The following ZCWPW2 variants were observed in gnomAD, a reference collection of about 807,000 sequenced individuals.
ZCWPW2 encodes the protein zinc finger CW-type and PWWP domain containing 2.
A neutral mutation model predicts 46.6 loss-of-function variants in ZCWPW2; 45 were observed. The observed-to-expected ratio is 0.96, with a 90% CI of 0.76 to 1.24. The LOEUF (loss-of-function observed/expected upper bound fraction) is 1.24, where lower values mean the gene tolerates loss of function less well. Ranked by LOEUF, ZCWPW2 falls within the 50% of genes most tolerant of loss-of-function variation. The pLI is 0.00. For missense variants in ZCWPW2, 429 were observed against 403.9 expected, an observed-to-expected ratio of 1.06 and a Z score of -0.53; for synonymous variants, 152 against 137.1, an observed-to-expected ratio of 1.11 and a Z score of -0.76.
intron 4 of ZCWPW2, among the ~76,000 whole-genome samples, chr3:28,467,454 A>T (rs867363048): frequency 6.6e-6 from 1 of 152,144 alleles, no homozygotes; most frequent in African/African-American, 2.4e-5. Flanking sequence ...TTAAAAAACA[A>T]TCACAACCTA....
chr3:28,426,359 A>T (rs1210306654), intron 3 of ZCWPW2, among the ~76,000 whole-genome samples: 9 of 151,896 alleles, frequency 5.9e-5, no homozygotes, highest in African/African-American at 1.9e-4. Context: ...TGTCAAGCAG[A>T]AACTAGGCTC....
chr3:28,388,676 C>T (rs540333723), intron 1 of ZCWPW2, among the ~76,000 whole-genome samples: 218 of 152,274 alleles, frequency 1.4e-3, no homozygotes, highest in Non-Finnish European at 2.6e-3. Context: ...GGAAGAACTA[C>T]TCATGACAAT....
intron 4 of ZCWPW2, among the ~76,000 whole-genome samples, chr3:28,472,075 G>A (rs762169136): frequency 5.3e-5 from 8 of 151,540 alleles, no homozygotes; most frequent in Non-Finnish European, 1.0e-4. Context: ...AGAAATTGGA[G>A]GACAGAAAAA....
chr3:28,502,032 C>A (rs918444227), intron 6 of ZCWPW2, among the ~76,000 whole-genome samples: 1 of 152,114 alleles, frequency 6.6e-6, no homozygotes, highest in Admixed American at 6.6e-5. Flanking sequence ...CCAGAAAGTT[C>A]TTTTCATACT....
At chr3:28,355,963 CA>C (rs139666697) in intron 1 of ZCWPW2, among the ~76,000 whole-genome samples, 27,943 of 151,680 alleles carry the variant, frequency 0.18, 153 homozygotes, top group Admixed American at 0.24. Context: ...TCTAAAACAC[CA>C]AAAGCAATGG....
At chr3:28,502,227 T>C (rs929831157) in intron 6 of ZCWPW2, among the ~76,000 whole-genome samples, 2 of 152,102 alleles carry the variant, frequency 1.3e-5, no homozygotes, top group African/African-American at 2.4e-5. Flanking sequence ...AGGAGTTCTA[T>C]AGGATAACAA....
chr3:28,511,048 C>T, intron 6 of ZCWPW2: 1 of 455,578 alleles, frequency 2.2e-6, no homozygotes, highest in South Asian at 1.6e-5. Context: ...AAGAATCTAC[C>T]CCAGATGTCA....
rs555810825 is a variant in ZCWPW2 at position 28,513,956 on chromosome 3, C to T, written c.658-108C>T. 64 of 705,770 alleles carry T rather than the reference C, an allele frequency of 9.1e-5. No homozygotes were observed. In the South Asian group the frequency reaches 1.3e-3, roughly 14 times the overall value. 43.7% of individuals were successfully genotyped at this position (705,770 alleles called of 1,614,324 possible). A position where few individuals can be genotyped will look rare whatever the true frequency, so the allele number is the denominator to read the frequency against. On this transcript the variant is annotated intron_variant, in intron 6 of 9. Transcript: ENST00000383768. ...AAAGATGTTGTTTAGGGTTATCAGC[C>T]GGGGTGTTTCTTCTGACCAAATTAC...
At chr3:28,519,979 T>C (rs534999333) in intron 8 of ZCWPW2, among the ~76,000 whole-genome samples, 1 of 151,922 alleles carries the variant, frequency 6.6e-6, no homozygotes, top group South Asian at 2.1e-4. Context: ...GCAAGGTCAA[T>C]GAATTACCAG....
chr3:28,414,264 T>C (rs997110249), intron 3 of ZCWPW2, among the ~76,000 whole-genome samples: 4 of 151,866 alleles, frequency 2.6e-5, no homozygotes, highest in Admixed American at 6.6e-5. Flanking sequence ...CTTGTGTTTC[T>C]TCTAGTTTAG....
intron 4 of ZCWPW2, among the ~76,000 whole-genome samples, chr3:28,474,753 AT>A: frequency 6.6e-6 from 1 of 152,208 alleles, no homozygotes; most frequent in African/African-American, 2.4e-5. Context: ...CGATGTCATA[AT>A]TATCTTCCTC....
intron 4 of ZCWPW2, among the ~76,000 whole-genome samples, chr3:28,455,293 G>A (rs1698383359): frequency 1.3e-5 from 2 of 152,132 alleles, no homozygotes; most frequent in African/African-American, 4.8e-5. Flanking sequence ...CTTTTGAAAA[G>A]TGTCTGTTCA....
At chr3:28,380,351 C>G (rs185165206) in intron 1 of ZCWPW2, among the ~76,000 whole-genome samples, 253 of 152,264 alleles carry the variant, frequency 1.7e-3, no homozygotes, top group African/African-American at 5.7e-3. Context: ...ATAACTTGCT[C>G]TGACCCCACA....
intron 5 of ZCWPW2, among the ~76,000 whole-genome samples, chr3:28,481,648 G>A (rs1033768985): frequency 6.6e-6 from 1 of 151,922 alleles, no homozygotes; most frequent in Admixed American, 6.6e-5. Flanking sequence ...ATTACTCTAT[G>A]GATAGAAGGA....
At chr3:28,439,905 GC>G (rs1203163895) in intron 4 of ZCWPW2, among the ~76,000 whole-genome samples, 1 of 152,190 alleles carries the variant, frequency 6.6e-6, no homozygotes, top group Non-Finnish European at 1.5e-5. Flanking sequence ...TGTGGTTGTA[GC>G]TGGTATTGAC....
At chr3:28,433,260 C>G (rs987791689) in intron 3 of ZCWPW2, among the ~76,000 whole-genome samples, 1 of 152,122 alleles carries the variant, frequency 6.6e-6, no homozygotes, top group Non-Finnish European at 1.5e-5. Flanking sequence ...AAGTCCTTTT[C>G]TTTTTTTCCT....
chr3:28,454,274 A>T (rs141808212), intron 4 of ZCWPW2, among the ~76,000 whole-genome samples: 291 of 152,312 alleles, frequency 1.9e-3, no homozygotes, highest in African/African-American at 6.6e-3. Flanking sequence ...AATAGTGCTG[A>T]TATCATGAAG....
intron 4 of ZCWPW2, among the ~76,000 whole-genome samples, chr3:28,469,779 G>C (rs947818150): frequency 1.3e-5 from 2 of 151,514 alleles, no homozygotes; most frequent in East Asian, 1.9e-4. Context: ...GATATATAAA[G>C]CAAATATTAT....
chr3:28,485,056 A>G (rs1225634471), intron 5 of ZCWPW2, among the ~76,000 whole-genome samples: 1 of 151,608 alleles, frequency 6.6e-6, no homozygotes, highest in East Asian at 1.9e-4. Flanking sequence ...TTTCCTCTGA[A>G]CATTGCTTTT....
Sources: allele counts gnomAD v4.1 joint callset (sites outside exome capture counted in the v4.1 genomes callset), GRCh38; gene constraint gnomAD v4.1.1; transcripts MANE v1.5; gene names NCBI Gene and HGNC (gene_info 2026-07-23, HGNC 2026-07-21).